CHDH: variants seen among roughly 807,000 people sequenced by gnomAD.
CHDH encodes the protein choline dehydrogenase.
CHDH carries 43 observed loss-of-function variants against 56.9 expected under a neutral mutation model. That is an observed-to-expected ratio of 0.76 (90% CI 0.59 to 0.97). CHDH has a LOEUF of 0.97. Ranked by LOEUF, CHDH falls within the 50% of genes least tolerant of loss-of-function variation. The pLI is 0.00. For synonymous variants in CHDH, 364 were observed against 348.5 expected, an observed-to-expected ratio of 1.04 and a Z score of -0.50; for missense variants, 816 against 821.1, an observed-to-expected ratio of 0.99 and a Z score of 0.08.
At chr3:53,822,265 T>C (rs1293229889) in intron 4 of CHDH, among the ~76,000 whole-genome samples, 1 of 151,810 alleles carries the variant, frequency 6.6e-6, no homozygotes, top group Admixed American at 6.6e-5. Flanking sequence ...GAATTAGGCA[T>C]GGCACACAGG....
At chr3:53,821,868 C>A (rs1347400241) in intron 4 of CHDH, 92 bp from the exon 5 acceptor site, 4 of 1,518,168 alleles carry the variant, frequency 2.6e-6, no homozygotes, top group Non-Finnish European at 3.6e-6. Context: ...ACCATGAGAA[C>A]ACAGCCTTGG....
In CHDH at chr3:53,823,795, C is replaced by T. The variant is rs1199408034; in HGVS notation, c.214G>A (p.Ala72Thr). The change falls in exon 3 of 9, where the codon GCC (alanine) becomes ACC (threonine). Residue 72 changes from alanine (A) to threonine (T), a missense_variant. By Grantham distance (58) the Ala-to-Thr change is moderately conservative (BLOSUM62 0). Coordinates refer to ENST00000315251, the MANE Select transcript of CHDH (RefSeq NM_018397.5). ...DPAERVLLLE[A>T]GPKDVLAGSK... Reference sequence around the variant, plus strand: ...CCCGCGAGCACGTCCTTGGGCCCGGCCTCCAGCAGCAGCACGCGCTCGGCG... The same window carrying T: ...CCCGCGAGCACGTCCTTGGGCCCGGTCTCCAGCAGCAGCACGCGCTCGGCG... 6.3e-7 allele frequency: 1 copy of T among 1,579,476 alleles called. No homozygotes were observed. Among genetic ancestry groups the T allele is most frequent in the Admixed American group, 1.8e-5 (1 of 56,004 alleles).
Position 53,846,383 on chromosome 3 carries a change from C to G in CHDH, c.-431G>C, listed in dbSNP as rs1192110550. 15 of 490,684 alleles carry G rather than the reference C, an allele frequency of 3.1e-5. No individual in the cohort carries two copies. The highest frequency in any genetic ancestry group is 2.9e-4 in the East Asian group (8 of 27,370). The allele number at this position is 490,684 out of a possible 1,614,324, so 30.4% of individuals were successfully genotyped here. A position where few individuals can be genotyped will look rare whatever the true frequency, so the allele number is the denominator to read the frequency against. ...CGGCGGCCCGTGCTCCGCCAGCGCT[C>G]GGACACGGCCCATCCCTCCGAGCCC... On this transcript the variant is annotated 5_prime_UTR_variant, in exon 1 of 9. Transcript: ENST00000315251.
At chr3:53,835,772 T>C (rs562823837) in intron 2 of CHDH, among the ~76,000 whole-genome samples, 3 of 152,250 alleles carry the variant, frequency 2.0e-5, no homozygotes, top group Non-Finnish European at 2.9e-5. Context: ...GCACGTCACA[T>C]GGGTTATCAC....
intron 6 of CHDH, 42 bp downstream of exon 6, chr3:53,820,432 T>G: frequency 6.3e-7 from 1 of 1,583,340 alleles, no homozygotes; most frequent in South Asian, 1.2e-5. Flanking sequence ...GTCTCAATGC[T>G]TATAGGCAGT....
chr3:53,820,587 T>C lies in CHDH; in HGVS notation c.1007A>G (p.Asp336Gly), dbSNP rs781371640. The change falls in exon 6 of 9, where the codon GAC becomes GGC. Residue 336 changes from aspartate to glycine, a missense_variant. By Grantham distance (94) the Asp-to-Gly change is moderately conservative (BLOSUM62 -1). Transcript: ENST00000315251. The stretch of plus-strand genomic sequence containing the variant: ...CTGCTGAATGTAGATCTCCAGGTGG[T>C]CTTGCAGGTTCTGGCCAACCCCTGA... Reference protein sequence around the residue: ...HLPGVGQNLQDHLEIYIQQAC... With the variant: ...HLPGVGQNLQGHLEIYIQQAC... 7.5e-6 allele frequency: 12 copies of C among 1,608,392 alleles called. No individual in the cohort carries two copies. The highest frequency in any genetic ancestry group is 1.7e-5 in the Admixed American group (1 of 59,596).
chr3:53,839,882 A>G (rs1698618532), intron 2 of CHDH, among the ~76,000 whole-genome samples: 1 of 152,232 alleles, frequency 6.6e-6, no homozygotes, highest in African/African-American at 2.4e-5. Context: ...CTATTCAACC[A>G]TCACAAAGAA....
At chr3:53,822,739 G>A in intron 3 of CHDH, 97 bp from the exon 4 acceptor site, 1 of 1,416,472 alleles carries the variant, frequency 7.1e-7, no homozygotes, top group Non-Finnish European at 9.5e-7. Flanking sequence ...GATATGCCCA[G>A]CTCTGACTGC....
chr3:53,838,889 G>A (rs1698587746), intron 2 of CHDH, among the ~76,000 whole-genome samples: 1 of 152,162 alleles, frequency 6.6e-6, no homozygotes, highest in Non-Finnish European at 1.5e-5. Context: ...GGCTGGTGCT[G>A]CAGAATCTGC....
At chr3:53,838,240 G>A (rs1212238996) in intron 2 of CHDH, among the ~76,000 whole-genome samples, 3 of 152,124 alleles carry the variant, frequency 2.0e-5, no homozygotes, top group Non-Finnish European at 2.9e-5. Context: ...TGCTGCGGGC[G>A]CCCAGCCATG....
At chr3:53,844,222 C>T (rs555941647) in intron 1 of CHDH, among the ~76,000 whole-genome samples, 280 of 152,332 alleles carry the variant, frequency 1.8e-3, no homozygotes, top group Non-Finnish European at 3.1e-3. Context: ...GGGTCTCTGC[C>T]TGGCAGCCCC....
chr3:53,823,075 G>A (rs2095630930), intron 3 of CHDH, among the ~76,000 whole-genome samples: 1 of 152,108 alleles, frequency 6.6e-6, no homozygotes, highest in African/African-American at 2.4e-5. Context: ...ACACCAACAG[G>A]GGCCAGAGGT....
chr3:53,825,151 GA>G (rs1376396508), intron 2 of CHDH, among the ~76,000 whole-genome samples: 1 of 152,212 alleles, frequency 6.6e-6, no homozygotes, highest in Non-Finnish European at 1.5e-5. Flanking sequence ...CCAACAGAAT[GA>G]AAGACAGGTC....
intron 2 of CHDH, among the ~76,000 whole-genome samples, chr3:53,827,765 A>G (rs76418770): frequency 0.065 from 9,827 of 152,294 alleles, 889 homozygotes; most frequent in African/African-American, 0.19. Flanking sequence ...GAGATATTTC[A>G]TGTTCGCAAA....
At position 53,823,580 on chromosome 3, in the gene CHDH, G is replaced by A. The variant is rs369985061; in HGVS notation, c.429C>T (p.His143=). 148 of 1,543,540 alleles carry A rather than the reference G, an allele frequency of 9.6e-5. No individual in the cohort carries two copies. The Middle Eastern group carries it at 1.3e-3, about 14-fold the overall frequency. Residue 143 remains histidine (H), a synonymous_variant, in exon 3 of 9, where the codon CAC becomes CAT. Transcript: ENST00000315251. ...GCTGCCAGCGCTCGTAGTCCTCGGC[G>A]TGCCCACGGACGTAGACCATGGCAT... ...SLNAMVYVRG[H]AEDYERWQRQ... is the part of the protein sequence containing the mutation.
In CHDH at chr3:53,817,384, G is replaced by A. The variant is rs115082746; in HGVS notation, c.*393C>T. ...ATGCCCCTTCCTTCGCGAACCCTCC[G>A]TGGGTCTGGCAGGCACCCAGCCTCT... On this transcript the variant is annotated 3_prime_UTR_variant, in exon 9 of 9. Coordinates refer to ENST00000315251, the MANE Select transcript of CHDH (RefSeq NM_018397.5). 648 of 195,344 alleles carry A rather than the reference G, an allele frequency of 3.3e-3. 4 individuals are homozygous for A. Among genetic ancestry groups the A allele is most frequent in the African/African-American group, 0.014 (603 of 43,064 alleles). The allele number at this position is 195,344 out of a possible 1,614,324, so 12.1% of individuals were successfully genotyped here.
In CHDH at chr3:53,814,585, T is replaced by TCA. The variant is rs2095612541; in HGVS notation, c.*3191_*3192insTG. 1.3e-5 allele frequency: 2 copies of TCA among 152,200 alleles called. No individual in the cohort carries two copies. Among genetic ancestry groups the TCA allele is most frequent in the Admixed American group, 6.5e-5 (1 of 15,290 alleles). 9.4% of individuals were successfully genotyped at this position (152,200 alleles called of 1,614,324 possible). Reference sequence around the variant, plus strand: ...TTTAAAAAATCTGTATTGGATCTGATGTTAAGTTGGCTTATCAGTAGAAGC... The same window carrying TCA: ...TTTAAAAAATCTGTATTGGATCTGATCAGTTAAGTTGGCTTATCAGTAGAAGC... On this transcript the variant is annotated 3_prime_UTR_variant, in exon 9 of 9. Transcript: ENST00000315251.
In CHDH at chr3:53,820,540, G is replaced by A. The variant is rs1384261038; in HGVS notation, c.1054C>T (p.Leu352Phe). 10 of 1,614,024 alleles carry A rather than the reference G, an allele frequency of 6.2e-6. No individual in the cohort carries two copies. Among genetic ancestry groups the A allele is most frequent in the Admixed American group, 1.7e-5 (1 of 60,006 alleles). The change falls in exon 6 of 9, where the codon CTC becomes TTC. Residue 352 changes from leucine to phenylalanine, a missense_variant. Transcript: ENST00000315251. ...IQQACTRPIT[L>F]HSAQKPLRKV... ...CGCAGGGGCTTCTGTGCTGAATGGA[G>A]GGTGATAGGGCGGGTGCATGCCTGC...
rs966928983 is a variant in CHDH at position 53,814,288 on chromosome 3, C to T, written c.*3489G>A. ...AGGCAGCTGGCTGGTTTAGAAAAAC[C>T]AGTTAGCCATAGAACTGACATCACG... On this transcript the variant is annotated 3_prime_UTR_variant, in exon 9 of 9. Transcript: ENST00000315251. The T allele has an allele frequency of 2.0e-5, 3 of 152,196 alleles. No individual in the cohort carries two copies. Among genetic ancestry groups the T allele is most frequent in the Admixed American group, 1.3e-4 (2 of 15,290 alleles). The allele number at this position is 152,196 out of a possible 1,614,324, so 9.4% of individuals were successfully genotyped here.
Sources: gnomAD v4.1 joint callset for allele counts (sites outside exome capture counted in the v4.1 genomes callset) on GRCh38, gnomAD v4.1.1 for gene constraint, MANE v1.5 for transcripts, NCBI Gene and HGNC (gene_info 2026-07-23, HGNC 2026-07-21) for gene names.